The following KDM5A variants were observed in gnomAD, a reference collection of about 807,000 sequenced individuals.
KDM5A encodes lysine demethylase 5A, also known as lysine-specific demethylase 5A.
In KDM5A, 42 loss-of-function variants were observed where a neutral mutation model predicts 193.5. That is an observed-to-expected ratio of 0.22 (90% CI 0.17 to 0.28). The LOEUF (loss-of-function observed/expected upper bound fraction) is 0.28, where lower values mean the gene tolerates loss of function less well. Among genes scored for constraint, KDM5A ranks in the 10% least tolerant of loss-of-function variants. KDM5A has a pLI of 1.00. For missense variants in KDM5A, 1,692 were observed against 2,055.1 expected, an observed-to-expected ratio of 0.82 and a Z score of 3.42; for synonymous variants, 796 against 718.1, an observed-to-expected ratio of 1.11 and a Z score of -1.73.
At position 280,587 on chromosome 12, in the gene KDM5A, A is replaced by T. The variant is rs533984299; in HGVS notation, c.*4869T>A. ...GAAATGATCCGTCCTTCATATCTGC[A>T]TAAGCTGGGATCCTTGGCAATGGGG... is the stretch of plus-strand genomic sequence containing the variant. On this transcript the variant is annotated 3_prime_UTR_variant, in exon 28 of 28. Transcript: ENST00000399788. 2 of 233,170 alleles carry T rather than the reference A, an allele frequency of 8.6e-6. No individual in the cohort carries two copies. Among genetic ancestry groups the T allele is most frequent in the African/African-American group, 4.4e-5 (2 of 45,464 alleles). 14.4% of individuals were successfully genotyped at this position (233,170 alleles called of 1,614,324 possible).
Position 284,190 on chromosome 12 carries a change from CT to C in KDM5A, c.*1265del, listed in dbSNP as rs1943189662. On this transcript the variant is annotated 3_prime_UTR_variant, in exon 28 of 28. Transcript: ENST00000399788. ...CCCAAATGGATTTTTGATGTTGAAA[CT>C]CTGTCATATGCTGCTGGTAACAGTA... The C allele has an allele frequency of 4.4e-6, 1 of 227,714 alleles. No homozygotes were observed. 14.1% of individuals were successfully genotyped at this position (227,714 alleles called of 1,614,324 possible). A position where few individuals can be genotyped will look rare whatever the true frequency, so the allele number is the denominator to read the frequency against.
At chr12:286,727 G>C (rs1373365353) in intron 27 of KDM5A, among the ~76,000 whole-genome samples, 1 of 152,132 alleles carries the variant, frequency 6.6e-6, no homozygotes, top group South Asian at 2.1e-4. Flanking sequence ...CAACTGAGTA[G>C]TTTTCAAAAT....
chr12:379,746 G>T (rs1944552687), intron 3 of KDM5A, among the ~76,000 whole-genome samples: 1 of 152,174 alleles, frequency 6.6e-6, no homozygotes. Context: ...TAAACCGTCA[G>T]ATAAGCACAC....
intron 9 of KDM5A, among the ~76,000 whole-genome samples, chr12:351,904 G>A (rs928835057): frequency 1.3e-5 from 2 of 152,088 alleles, no homozygotes; most frequent in African/African-American, 4.8e-5. Flanking sequence ...AGGAGTTCAA[G>A]ACCAGCCTGA....
At chr12:366,137 A>G in intron 3 of KDM5A, 33 bp from the exon 4 acceptor site, 1 of 1,602,286 alleles carries the variant, frequency 6.2e-7, no homozygotes, top group Non-Finnish European at 8.5e-7. Flanking sequence ...TTAGAGAAAA[A>G]AGGCAAATTC....
rs1943148440 is a variant in KDM5A, at chr12:280,895, G to T, written c.*4561C>A. 1 of 232,822 alleles carries T rather than the reference G, an allele frequency of 4.3e-6. No individual in the cohort carries two copies. The highest frequency in any genetic ancestry group is 8.5e-6 in the Non-Finnish European group (1 of 117,892). 14.4% of individuals were successfully genotyped at this position (232,822 alleles called of 1,614,324 possible). A position where few individuals can be genotyped will look rare whatever the true frequency, so the allele number is the denominator to read the frequency against. On this transcript the variant is annotated 3_prime_UTR_variant, in exon 28 of 28. Transcript: ENST00000399788. Reference sequence around the variant, plus strand: ...ATCACACCACTGATCAAATTATTTTGGCTCAGTTCTTTATTTTATAGTTAG... The same window carrying T: ...ATCACACCACTGATCAAATTATTTTTGCTCAGTTCTTTATTTTATAGTTAG...
chr12:361,174 G>A (rs1427711128), intron 5 of KDM5A, among the ~76,000 whole-genome samples: 1 of 151,826 alleles, frequency 6.6e-6, no homozygotes, highest in Non-Finnish European at 1.5e-5. Context: ...AAGGGTAAAA[G>A]CATTCCATGC....
chr12:291,755 G>A (rs1240062928), intron 27 of KDM5A, among the ~76,000 whole-genome samples: 1 of 152,028 alleles, frequency 6.6e-6, no homozygotes, highest in Non-Finnish European at 1.5e-5. Context: ...GCCGTAACAG[G>A]TGCCTCCAAT....
chr12:338,541 A>T (rs1407762248), intron 10 of KDM5A, among the ~76,000 whole-genome samples: 3 of 152,158 alleles, frequency 2.0e-5, no homozygotes, highest in Non-Finnish European at 4.4e-5. Flanking sequence ...ATTTTGTTTG[A>T]ATTATTTCAC....
chr12:321,644 T>C lies in KDM5A; in HGVS notation c.2427-535A>G, dbSNP rs189829855. Among the ~76,000 whole-genome samples, 363 of 152,368 alleles carry C rather than the reference T, an allele frequency of 2.4e-3. 4 individuals carry two copies. The highest frequency in any genetic ancestry group is 3.0e-3 in the Non-Finnish European group (203 of 68,034). On this transcript the variant is annotated intron_variant, in intron 17 of 27. Transcript: ENST00000399788. Reference sequence around the variant, plus strand: ...TTTACAAAGTAATTTAAAAACCCAATGTGAACTGCTAGAGAAAAGCCATTC... The same window carrying C: ...TTTACAAAGTAATTTAAAAACCCAACGTGAACTGCTAGAGAAAAGCCATTC...
Position 365,946 on chromosome 12 carries a change from A to C in KDM5A, c.525T>G (p.Gly175=), listed in dbSNP as rs1294155164. The change falls in exon 4 of 28, where the codon GGT becomes GGG. Residue 175 remains glycine (G), a synonymous_variant. Transcript: ENST00000399788. ...ILYPYELFQS[G]VSLMGVQMPN... ...TAATGCATCTCACCATAAGGCTCAC[A>C]CCAGACTGGAAAAGCTCATATGGGT... 6.2e-7 allele frequency: 1 copy of C among 1,613,782 alleles called. No individual in the cohort carries two copies. Among genetic ancestry groups the C allele is most frequent in the Non-Finnish European group, 8.5e-7 (1 of 1,179,804 alleles).
rs1217077396 is a variant in KDM5A at position 281,379 on chromosome 12, G to C, written c.*4077C>G. 3 of 232,936 alleles carry C rather than the reference G, an allele frequency of 1.3e-5. No individual in the cohort carries two copies. Among genetic ancestry groups the C allele is most frequent in the Non-Finnish European group, 2.5e-5 (3 of 117,992 alleles). The allele number at this position is 232,936 out of a possible 1,614,324, so 14.4% of individuals were successfully genotyped here. ...AGCTTTCATAACCCATCATATCCTTGCCCAGTGCACATCATTTGTTGCATA... is the reference window on the plus strand; with the variant it reads ...AGCTTTCATAACCCATCATATCCTTCCCCAGTGCACATCATTTGTTGCATA... On this transcript the variant is annotated 3_prime_UTR_variant, in exon 28 of 28. Transcript: ENST00000399788.
intron 10 of KDM5A, among the ~76,000 whole-genome samples, chr12:342,925 TG>T (rs1269049784): frequency 3.3e-5 from 5 of 152,158 alleles, no homozygotes; most frequent in Non-Finnish European, 5.9e-5. Context: ...TGGGACTGCT[TG>T]GACAGTGGGT....
At chr12:317,910 C>T (rs1943667695) in intron 19 of KDM5A, among the ~76,000 whole-genome samples, 196 bp downstream of exon 19, 2 of 152,170 alleles carry the variant, frequency 1.3e-5, no homozygotes, top group African/African-American at 2.4e-5. Context: ...GAGAATCTCC[C>T]GGTTTCCTTC....
At chr12:387,904 T>C (rs1944664115) in intron 1 of KDM5A, among the ~76,000 whole-genome samples, 1 of 152,074 alleles carries the variant, frequency 6.6e-6, no homozygotes, top group African/African-American at 2.4e-5. Context: ...TAACAGTGCT[T>C]AATATTTTAT....
chr12:328,666 T>C (rs1943823273), intron 14 of KDM5A, among the ~76,000 whole-genome samples, 169 bp downstream of exon 14: 1 of 152,236 alleles, frequency 6.6e-6, no homozygotes, highest in Admixed American at 6.5e-5. Flanking sequence ...TAAAACGTTT[T>C]TAATCTGGAG....
At chr12:352,538 T>C (rs904360589) in intron 8 of KDM5A, among the ~76,000 whole-genome samples, 1 of 152,180 alleles carries the variant, frequency 6.6e-6, no homozygotes, top group Non-Finnish European at 1.5e-5. Context: ...AATAGGAAGG[T>C]AGTACTAAGA....
chr12:297,003 C>A (rs1439463886), intron 25 of KDM5A, 38 bp downstream of exon 25: 2 of 1,601,140 alleles, frequency 1.2e-6, no homozygotes, highest in African/African-American at 2.7e-5. Flanking sequence ...CATTGGTTTT[C>A]TGCTTATGTT....
At chr12:371,576 G>C (rs1288748693) in intron 3 of KDM5A, among the ~76,000 whole-genome samples, 1 of 152,152 alleles carries the variant, frequency 6.6e-6, no homozygotes, top group Non-Finnish European at 1.5e-5. Context: ...TCTGATGGTA[G>C]TTTCTTTTGT....
Sources: allele counts gnomAD v4.1 joint callset (sites outside exome capture counted in the v4.1 genomes callset), GRCh38; gene constraint gnomAD v4.1.1; transcripts MANE v1.5; gene names NCBI Gene and HGNC (gene_info 2026-07-23, HGNC 2026-07-21).